Variants in KCNH8 observed in about 807,000 individuals in gnomAD.
KCNH8 encodes potassium voltage-gated channel subfamily H member 8.
A neutral mutation model predicts 103.6 loss-of-function variants in KCNH8; 70 were observed. The ratio of observed to expected loss-of-function variants is 0.68; its 90% CI spans 0.56 to 0.82. The LOEUF (loss-of-function observed/expected upper bound fraction) is 0.82. Ranked by LOEUF, KCNH8 falls within the 40% of genes least tolerant of loss-of-function variation. KCNH8 has a pLI of 0.00. For missense variants in KCNH8, 1,217 were observed against 1,329.9 expected (o/e 0.92, Z 1.32); for synonymous variants, 498 against 489.4 (o/e 1.02, Z -0.23).
At chr3:19,258,962 T>C (rs1333741343) in intron 2 of KCNH8, among the ~76,000 whole-genome samples, 1 of 134,470 alleles carries the variant, frequency 7.4e-6, no homozygotes, top group Non-Finnish European at 1.6e-5. Flanking sequence ...TATATATATA[T>C]ATATATATAT....
chr3:19,305,877 G>A (rs2065123523), intron 3 of KCNH8, among the ~76,000 whole-genome samples: 1 of 151,966 alleles, frequency 6.6e-6, no homozygotes, highest in South Asian at 2.1e-4. Flanking sequence ...GTGTGGTTAG[G>A]GGATGGGATA....
At chr3:19,274,821 C>A in intron 2 of KCNH8, among the ~76,000 whole-genome samples, 1 of 114,856 alleles carries the variant, frequency 8.7e-6, no homozygotes, top group Admixed American at 9.1e-5. Context: ...CTTGATTTCC[C>A]TTCCCTTCCC....
At chr3:19,261,750 G>GT (rs947717653) in intron 2 of KCNH8, among the ~76,000 whole-genome samples, 55 of 151,366 alleles carry the variant, frequency 3.6e-4, no homozygotes, top group African/African-American at 9.9e-4. Context: ...TTATATTTAG[G>GT]TTTTTTTTAT....
intron 8 of KCNH8, among the ~76,000 whole-genome samples, chr3:19,447,294 A>G (rs562273981): frequency 2.0e-4 from 31 of 152,170 alleles, no homozygotes; most frequent in Admixed American, 1.7e-3. Flanking sequence ...AGAAGTAGTT[A>G]TCTATGCTGA....
At chr3:19,221,083 C>T (rs1324402232) in intron 1 of KCNH8, among the ~76,000 whole-genome samples, 1 of 152,172 alleles carries the variant, frequency 6.6e-6, no homozygotes, top group Non-Finnish European at 1.5e-5. Flanking sequence ...CTTCATATGG[C>T]TGCAGGCAAT....
chr3:19,342,860 A>T (rs1387522478), intron 4 of KCNH8, 146 bp downstream of exon 4: 10 of 688,104 alleles, frequency 1.5e-5, no homozygotes, highest in Non-Finnish European at 2.4e-5. Context: ...ATAAAGAACA[A>T]ACTGGAAAAG....
intron 1 of KCNH8, among the ~76,000 whole-genome samples, chr3:19,151,398 G>T (rs1479673519): frequency 6.6e-6 from 1 of 151,886 alleles, no homozygotes; most frequent in Non-Finnish European, 1.5e-5. Context: ...TACCTTATTT[G>T]TGAAGTATAT....
chr3:19,264,511 A>C (rs2125261288), intron 2 of KCNH8, among the ~76,000 whole-genome samples: 1 of 152,216 alleles, frequency 6.6e-6, no homozygotes, highest in African/African-American at 2.4e-5. Context: ...CACGCTCTGC[A>C]GCCAGAATGA....
At chr3:19,415,930 C>A (rs1432256737) in intron 7 of KCNH8, among the ~76,000 whole-genome samples, 1 of 151,936 alleles carries the variant, frequency 6.6e-6, no homozygotes, top group Non-Finnish European at 1.5e-5. Flanking sequence ...ATTTCCATTT[C>A]CCTGAATAGG....
chr3:19,199,270 T>A (rs2063632777), intron 1 of KCNH8, among the ~76,000 whole-genome samples: 1 of 152,112 alleles, frequency 6.6e-6, no homozygotes, highest in Admixed American at 6.6e-5. Flanking sequence ...CAGGGTGCTT[T>A]TAGAACAGTA....
At chr3:19,368,183 A>G (rs568635878) in intron 5 of KCNH8, among the ~76,000 whole-genome samples, 1 of 152,162 alleles carries the variant, frequency 6.6e-6, no homozygotes, top group South Asian at 2.1e-4. Flanking sequence ...GGTTATGAAA[A>G]GCATATTGAA....
At chr3:19,450,002 ATGCTC>A (rs10608752) in intron 8 of KCNH8, 99 bp from the exon 9 acceptor site, 36,078 of 918,638 alleles carry the variant, frequency 0.039, 1,956 homozygotes, top group East Asian at 0.21. Flanking sequence ...CCATGTAACC[ATGCTC>A]TGCTCTGCTC....
chr3:19,498,095 T>C (rs888585874), intron 11 of KCNH8, among the ~76,000 whole-genome samples: 1 of 152,208 alleles, frequency 6.6e-6, no homozygotes, highest in Non-Finnish European at 1.5e-5. Flanking sequence ...GCTTGGTAGA[T>C]TTTTCTTTAT....
intron 3 of KCNH8, among the ~76,000 whole-genome samples, chr3:19,312,277 T>C (rs2065217795): frequency 6.6e-6 from 1 of 151,944 alleles, no homozygotes; most frequent in Non-Finnish European, 1.5e-5. Context: ...CCCTTCTATT[T>C]TTCCTTATTA....
intron 1 of KCNH8, among the ~76,000 whole-genome samples, chr3:19,155,195 C>G (rs2063169305): frequency 6.6e-6 from 1 of 152,176 alleles, no homozygotes; most frequent in Admixed American, 6.5e-5. Flanking sequence ...CTTACATGTT[C>G]CAGCCTCATT....
chr3:19,393,472 CAG>C (rs1469663558), intron 6 of KCNH8, among the ~76,000 whole-genome samples: 4 of 152,038 alleles, frequency 2.6e-5, no homozygotes, highest in Non-Finnish European at 5.9e-5. Context: ...CCTTTCCGGT[CAG>C]AGAAAATGGG....
intron 14 of KCNH8, among the ~76,000 whole-genome samples, chr3:19,516,004 C>T (rs376870871): frequency 6.6e-6 from 1 of 151,860 alleles, no homozygotes; most frequent in Non-Finnish European, 1.5e-5. Flanking sequence ...GTTTGTTGCT[C>T]GTAAGAATGA....
At chr3:19,383,284 A>G (rs949384360) in intron 5 of KCNH8, among the ~76,000 whole-genome samples, 10 of 152,120 alleles carry the variant, frequency 6.6e-5, no homozygotes, top group Admixed American at 5.9e-4. Context: ...ACCTAAATTT[A>G]TTTTTGTCTC....
chr3:19,471,528 A>G (rs1169455324), intron 11 of KCNH8, among the ~76,000 whole-genome samples: 1 of 152,232 alleles, frequency 6.6e-6, no homozygotes, highest in Non-Finnish European at 1.5e-5. Flanking sequence ...GATGATGTAC[A>G]TACTGTTGAT....
Sources: gnomAD v4.1 joint callset for allele counts (sites outside exome capture counted in the v4.1 genomes callset) on GRCh38, gnomAD v4.1.1 for gene constraint, MANE v1.5 for transcripts, NCBI Gene and HGNC (gene_info 2026-07-23, HGNC 2026-07-21) for gene names.